The following ETNK1 variants were observed in gnomAD, a reference collection of about 807,000 sequenced individuals.
ETNK1 encodes ethanolamine kinase 1, also known as putative protein product of Nbla10396.
A neutral mutation model predicts 45.1 loss-of-function variants in ETNK1; 8 were observed. That is an observed-to-expected ratio of 0.18 (90% confidence interval 0.10 to 0.32). ETNK1 has a LOEUF of 0.32. Ranked by LOEUF, ETNK1 falls within the 10% of genes least tolerant of loss-of-function variation. The pLI, the probability that ETNK1 is intolerant of heterozygous loss-of-function variation, is 1.00. For missense variants in ETNK1, 302 were observed against 430.6 expected, an observed-to-expected ratio of 0.70 and a Z score of 2.64; for synonymous variants, 152 against 151.9, an observed-to-expected ratio of 1.00 and a Z score of -0.01.
intron 1 of ETNK1, among the ~76,000 whole-genome samples, chr12:22,639,927 A>G (rs79705645): frequency 2.5e-3 from 376 of 152,336 alleles, no homozygotes; most frequent in Non-Finnish European, 3.4e-3. Context: ...TCTTTGGTAG[A>G]TAACTTTCTC....
chr12:22,651,886 A>T (rs906520692), intron 2 of ETNK1, among the ~76,000 whole-genome samples: 1 of 151,926 alleles, frequency 6.6e-6, no homozygotes, highest in Admixed American at 6.6e-5. Flanking sequence ...GGGTTTCACC[A>T]TGTTGGCCAG....
intron 6 of ETNK1, among the ~76,000 whole-genome samples, chr12:22,675,486 G>T (rs1448840143): frequency 6.6e-6 from 1 of 150,704 alleles, no homozygotes; most frequent in Admixed American, 6.6e-5. Context: ...CTCCCAAGTA[G>T]CTAGGACTAC....
intron 2 of ETNK1, among the ~76,000 whole-genome samples, chr12:22,654,455 A>G (rs1953915630): frequency 6.6e-6 from 1 of 152,248 alleles, no homozygotes; most frequent in African/African-American, 2.4e-5. Context: ...TTATTAGTAC[A>G]TGAGATTATT....
intron 4 of ETNK1, among the ~76,000 whole-genome samples, chr12:22,664,492 A>T (rs1278311958): frequency 6.6e-6 from 1 of 152,102 alleles, no homozygotes; most frequent in African/African-American, 2.4e-5. Flanking sequence ...CACACATACT[A>T]TGAGCACCCT....
At chr12:22,684,428 G>A in intron 6 of ETNK1, 55 bp from the exon 7 acceptor site, 2 of 1,259,094 alleles carry the variant, frequency 1.6e-6, no homozygotes, top group Non-Finnish European at 2.3e-6. Flanking sequence ...ATTCATATGT[G>A]TTTTACAGAG....
In ETNK1 at chr12:22,690,191, A is replaced by G. The variant is rs920848347; in HGVS notation, c.*5237A>G. On this transcript the variant is annotated 3_prime_UTR_variant, in exon 8 of 8. Coordinates refer to ENST00000266517, the MANE Select transcript of ETNK1 (RefSeq NM_018638.5). ...CTTTGTATATAATGTAAGTGCTACA[A>G]ATAGTCTCAGCACTGAAAATGTATT... 2.0e-5 allele frequency: 3 copies of G among 152,520 alleles called. No homozygotes were observed. Among genetic ancestry groups the G allele is most frequent in the Admixed American group, 2.0e-4 (3 of 15,274 alleles). 9.4% of individuals were successfully genotyped at this position (152,520 alleles called of 1,614,324 possible).
rs773750334 is a variant in ETNK1, at chr12:22,659,041, C to A, written c.444C>A (p.Ile148=). 6.2e-7 allele frequency: 1 copy of A among 1,613,566 alleles called. No homozygotes were observed. The highest frequency in any genetic ancestry group is 1.1e-5 in the South Asian group (1 of 90,952). Residue 148 remains isoleucine (I), a synonymous_variant, in exon 3 of 8, where the codon ATC becomes ATA. Coordinates refer to ENST00000266517, the MANE Select transcript of ETNK1 (RefSeq NM_018638.5). ...TAATAGCTCGTCAGCTTGCTAAAAT[C>A]CATGCTATTCATGCACACAATGGCT... ...FRLIARQLAK[I]HAIHAHNGWI...
At chr12:22,663,407 C>G (rs1954026094) in intron 4 of ETNK1, among the ~76,000 whole-genome samples, 1 of 152,220 alleles carries the variant, frequency 6.6e-6, no homozygotes, top group African/African-American at 2.4e-5. Flanking sequence ...TAATTTTAAA[C>G]TTTCATATTT....
intron 2 of ETNK1, 79 bp downstream of exon 2, chr12:22,644,101 CTT>C: frequency 6.7e-7 from 1 of 1,488,108 alleles, no homozygotes; most frequent in Non-Finnish European, 9.0e-7. Flanking sequence ...TTAAAATTGT[CTT>C]TGTTTGAGCA....
At chr12:22,656,620 G>A in intron 2 of ETNK1, 10 of 985,350 alleles carry the variant, frequency 1.0e-5, no homozygotes, top group Non-Finnish European at 1.2e-5. Context: ...CACCTGTTCT[G>A]AATCCAGCAT....
chr12:22,647,727 A>G (rs867769140), intron 2 of ETNK1, among the ~76,000 whole-genome samples: 3 of 152,066 alleles, frequency 2.0e-5, no homozygotes, highest in South Asian at 2.1e-4. Context: ...TCGTTTCAAA[A>G]TATTTTTGTT....
chr12:22,673,108 T>G (rs1329829401), intron 5 of ETNK1, among the ~76,000 whole-genome samples: 1 of 151,910 alleles, frequency 6.6e-6, no homozygotes, highest in African/African-American at 2.4e-5. Context: ...AAAAAAAAAG[T>G]ATTCTTACCA....
intron 1 of ETNK1, among the ~76,000 whole-genome samples, chr12:22,633,500 G>C (rs989245726): frequency 1.3e-5 from 2 of 152,176 alleles, no homozygotes; most frequent in Non-Finnish European, 2.9e-5. Context: ...CTCCAGCTTT[G>C]TTCGTTTTTA....
At chr12:22,661,272 C>G (rs1592130119) in intron 4 of ETNK1, 67 bp downstream of exon 4, 3 of 1,337,538 alleles carry the variant, frequency 2.2e-6, no homozygotes. Context: ...CATTTTATCT[C>G]TATATCAACA....
At chr12:22,634,729 T>C (rs1211841766) in intron 1 of ETNK1, among the ~76,000 whole-genome samples, 2 of 152,058 alleles carry the variant, frequency 1.3e-5, no homozygotes, top group East Asian at 3.9e-4. Context: ...TATTTATTTA[T>C]TTATTTGTAC....
intron 2 of ETNK1, among the ~76,000 whole-genome samples, chr12:22,655,674 A>G (rs973943348): frequency 2.0e-5 from 3 of 149,090 alleles, no homozygotes; most frequent in African/African-American, 7.4e-5. Flanking sequence ...TGTGAAGTTC[A>G]TATTGTCATT....
chr12:22,626,780 G>A (rs752567715), intron 1 of ETNK1, among the ~76,000 whole-genome samples: 1 of 152,152 alleles, frequency 6.6e-6, no homozygotes, highest in Non-Finnish European at 1.5e-5. Flanking sequence ...TGAAATTTAA[G>A]GGAGTATTTG....
Position 22,661,091 on chromosome 12 carries a change from A to T in ETNK1, c.586A>T (p.Ile196Phe), listed in dbSNP as rs767948882. ...CCTAAGTGATATCCCAAGCTCTCAG[A>T]TTCTCCAGGAAGAGATGACTTGGAT... ...RFLSDIPSSQILQEEMTWMKE... is the reference protein window; with the variant it reads ...RFLSDIPSSQFLQEEMTWMKE... The change falls in exon 4 of 8, where the codon ATT becomes TTT. Residue 196 changes from isoleucine (I) to phenylalanine (F), a missense_variant. Ile to Phe is a conservative substitution (Grantham distance 21). Around this residue, in one of 3 missense-constraint regions of ETNK1, gnomAD observed 205 missense variants for 259.9 expected, o/e 0.79. Transcript: ENST00000266517. 8.7e-6 allele frequency: 14 copies of T among 1,611,260 alleles called. No homozygotes were observed. Among genetic ancestry groups the T allele is most frequent in the Admixed American group, 3.4e-5 (2 of 59,244 alleles).
intron 1 of ETNK1, among the ~76,000 whole-genome samples, chr12:22,630,937 A>G (rs74068258): frequency 0.016 from 2,398 of 152,144 alleles, 76 homozygotes; most frequent in African/African-American, 0.056. Context: ...GGTAAATTAT[A>G]TCATGTATTA....
Sources: allele counts gnomAD v4.1 joint callset (sites outside exome capture counted in the v4.1 genomes callset), GRCh38; gene constraint gnomAD v4.1.1; regional missense constraint gnomAD v4.1.1; transcripts MANE v1.5; gene names NCBI Gene and HGNC (gene_info 2026-07-23, HGNC 2026-07-21).